The following CCDC93 variants were observed in gnomAD, a reference collection of about 807,000 sequenced individuals.
The protein encoded by CCDC93 is coiled-coil domain-containing protein 93.
Under a neutral mutation model 108.2 loss-of-function variants are expected in CCDC93, and 61 were observed. The observed-to-expected ratio is 0.56, with a 90% CI of 0.46 to 0.70. The LOEUF (loss-of-function observed/expected upper bound fraction) is 0.70. Among genes scored for constraint, CCDC93 ranks in the 30% least tolerant of loss-of-function variants. CCDC93 has a pLI of 0.00. For missense variants in CCDC93, 685 were observed against 764.2 expected, an observed-to-expected ratio of 0.90 and a Z score of 1.22; for synonymous variants, 276 against 260.4, an observed-to-expected ratio of 1.06 and a Z score of -0.58.
chr2:117,990,743 AT>A (rs918890882), intron 6 of CCDC93, among the ~76,000 whole-genome samples: 57 of 152,216 alleles, frequency 3.7e-4, no homozygotes, highest in African/African-American at 1.3e-3. Flanking sequence ...ATGGAAAGAT[AT>A]CCTCAATATA....
intron 3 of CCDC93, among the ~76,000 whole-genome samples, chr2:118,001,337 TA>T (rs1395664776): frequency 1.3e-5 from 2 of 152,228 alleles, no homozygotes; most frequent in Non-Finnish European, 2.9e-5. Context: ...AAAAGTATTC[TA>T]AATATCAGGC....
At chr2:117,950,226 G>T in intron 13 of CCDC93, 1 of 985,264 alleles carries the variant, frequency 1.0e-6, no homozygotes, top group Non-Finnish European at 1.2e-6. Context: ...TATAACCAAG[G>T]ATCATCAAAG....
At chr2:117,964,192 T>C (rs1679481033) in intron 11 of CCDC93, among the ~76,000 whole-genome samples, 1 of 152,214 alleles carries the variant, frequency 6.6e-6, no homozygotes, top group South Asian at 2.1e-4. Flanking sequence ...CAGATCTTAT[T>C]GTGTGGGGGC....
intron 3 of CCDC93, among the ~76,000 whole-genome samples, chr2:118,003,962 C>G (rs547157380): frequency 2.6e-5 from 4 of 152,304 alleles, no homozygotes; most frequent in Admixed American, 1.3e-4. Flanking sequence ...GCAGAGGTCA[C>G]CAGGCCGGTT....
chr2:117,970,970 T>C (rs1484617782), intron 11 of CCDC93, among the ~76,000 whole-genome samples: 1 of 152,178 alleles, frequency 6.6e-6, no homozygotes, highest in Non-Finnish European at 1.5e-5. Flanking sequence ...TTCACAATAT[T>C]ATCCACAATG....
At chr2:117,924,340 G>A (rs984783766) in intron 23 of CCDC93, among the ~76,000 whole-genome samples, 11 of 152,140 alleles carry the variant, frequency 7.2e-5, no homozygotes, top group Non-Finnish European at 1.6e-4. Flanking sequence ...TGAGCTAAAG[G>A]AGGAAGTTCG....
rs769783275 is a variant in CCDC93 at position 117,973,896 on chromosome 2, G to A, written c.888+12C>T. ...TATCTGGGGCACAGACTCCAGCTGG[G>A]CCCCCACCTACCTTCTCTGCATACT... On this transcript the variant is annotated intron_variant, in intron 11 of 23. Coordinates refer to ENST00000376300, the MANE Select transcript of CCDC93 (RefSeq NM_019044.5). The A allele has an allele frequency of 1.3e-5, 20 of 1,599,574 alleles. 1 individual carries two copies. Among genetic ancestry groups the A allele is most frequent in the Middle Eastern group, 3.3e-4 (2 of 6,050 alleles).
chr2:117,924,357 T>C (rs972675983), intron 23 of CCDC93, among the ~76,000 whole-genome samples: 8 of 152,088 alleles, frequency 5.3e-5, no homozygotes, highest in Admixed American at 2.0e-4. Context: ...TTCGAACCCA[T>C]GGCAAAGAAG....
chr2:117,991,939 T>C (rs1480329064), intron 6 of CCDC93, among the ~76,000 whole-genome samples: 1 of 152,264 alleles, frequency 6.6e-6, no homozygotes, highest in Non-Finnish European at 1.5e-5. Context: ...CTGAGACCTT[T>C]TGGGACTCTC....
intron 6 of CCDC93, among the ~76,000 whole-genome samples, chr2:117,988,868 T>C (rs897354837): frequency 4.6e-5 from 7 of 152,218 alleles, no homozygotes; most frequent in Non-Finnish European, 5.9e-5. Context: ...TTACATGAGC[T>C]CTGCTATGTA....
At chr2:117,990,143 T>A (rs1336972677) in intron 6 of CCDC93, among the ~76,000 whole-genome samples, 1 of 152,236 alleles carries the variant, frequency 6.6e-6, no homozygotes, top group Non-Finnish European at 1.5e-5. Context: ...AAGACCTCAC[T>A]TCACAGGACA....
chr2:117,919,087 CT>C lies in CCDC93; in HGVS notation c.*1255del, dbSNP rs1374185631. ...TGGAGCACAAACCTACAGAACATGA[CT>C]GAGTTACCAGACTCCTGAGGACCAG... On this transcript the variant is annotated 3_prime_UTR_variant, in exon 24 of 24. Transcript: ENST00000376300. 6.6e-6 allele frequency: 1 copy of C among 152,216 alleles called. No individual in the cohort carries two copies. Among genetic ancestry groups the C allele is most frequent in the Non-Finnish European group, 1.5e-5 (1 of 68,052 alleles). The allele number at this position is 152,216 out of a possible 1,614,324, so 9.4% of individuals were successfully genotyped here.
rs561998649 is a variant in CCDC93, at chr2:117,949,577, A to G, written c.1069-182T>C. On this transcript the variant is annotated intron_variant, in intron 13 of 23. Coordinates refer to ENST00000376300, the MANE Select transcript of CCDC93 (RefSeq NM_019044.5). ...TACTAAGCCAATATTTTAAAAAAGAATAAAGTAGCTCTTTTACAATGATCT... is the reference window on the plus strand; with the variant it reads ...TACTAAGCCAATATTTTAAAAAAGAGTAAAGTAGCTCTTTTACAATGATCT... 7.9e-4 allele frequency: 192 copies of G among 243,748 alleles called. 1 individual carries two copies. The highest frequency in any genetic ancestry group is 4.2e-3 in the African/African-American group (182 of 43,168). The allele number at this position is 243,748 out of a possible 1,614,324, so 15.1% of individuals were successfully genotyped here. A position where few individuals can be genotyped will look rare whatever the true frequency, so the allele number is the denominator to read the frequency against.
At chr2:117,935,357 G>A (rs1173008990) in intron 22 of CCDC93, 138 bp downstream of exon 22, 3 of 642,380 alleles carry the variant, frequency 4.7e-6, no homozygotes, top group Non-Finnish European at 8.3e-6. Context: ...ACGCATGGTG[G>A]GAATACCTCT....
At chr2:117,981,431 A>T (rs1429262863) in intron 7 of CCDC93, among the ~76,000 whole-genome samples, 1 of 152,162 alleles carries the variant, frequency 6.6e-6, no homozygotes, top group East Asian at 1.9e-4. Flanking sequence ...GTTTCCCCCA[A>T]GTGACAGCTC....
intron 23 of CCDC93, among the ~76,000 whole-genome samples, chr2:117,930,159 AGTCTT>A (rs764470695): frequency 1.3e-5 from 2 of 152,212 alleles, no homozygotes; most frequent in Non-Finnish European, 2.9e-5. Context: ...AAGGAAGAAA[AGTCTT>A]AAATTAAGAA....
At chr2:117,968,317 T>G (rs1358067195) in intron 11 of CCDC93, among the ~76,000 whole-genome samples, 2 of 152,218 alleles carry the variant, frequency 1.3e-5, no homozygotes, top group Non-Finnish European at 2.9e-5. Flanking sequence ...ATTTCAGTTT[T>G]CTGTAAATCA....
At chr2:118,004,338 A>C (rs1676803150) in intron 3 of CCDC93, among the ~76,000 whole-genome samples, 1 of 152,228 alleles carries the variant, frequency 6.6e-6, no homozygotes, top group African/African-American at 2.4e-5. Context: ...CCCTCTGTTA[A>C]TGGGGCTTCA....
At chr2:117,937,263 C>T (rs3771936) in intron 20 of CCDC93, among the ~76,000 whole-genome samples, 23,008 of 152,142 alleles carry the variant, frequency 0.15, 2,023 homozygotes, top group South Asian at 0.22. Context: ...GCCCCGTGGA[C>T]ACTGCCTTAG....
Sources: allele counts gnomAD v4.1 joint callset (sites outside exome capture counted in the v4.1 genomes callset), GRCh38; gene constraint gnomAD v4.1.1; transcripts MANE v1.5; gene names NCBI Gene and HGNC (gene_info 2026-07-23, HGNC 2026-07-21).